SGPP2: variants seen among roughly 807,000 people sequenced by gnomAD.
SGPP2 encodes the protein sphingosine 1-phosphate phosphohydrolase 2.
A neutral mutation model predicts 33.9 loss-of-function variants in SGPP2; 30 were observed. The ratio of observed to expected loss-of-function variants is 0.89; its 90% confidence interval spans 0.66 to 1.20. The LOEUF is 1.20. SGPP2 is among the 50% of genes most tolerant of loss of function. The pLI, the probability that SGPP2 is intolerant of heterozygous loss-of-function variation, is 0.00. For synonymous variants in SGPP2, 233 were observed against 225.0 expected (o/e 1.04, Z -0.32); for missense variants, 458 against 532.1 (o/e 0.86, Z 1.37).
chr2:222,475,724 T>C (rs1367924329), intron 2 of SGPP2, among the ~76,000 whole-genome samples: 1 of 152,080 alleles, frequency 6.6e-6, no homozygotes, highest in Non-Finnish European at 1.5e-5. Flanking sequence ...GCCAAATGAG[T>C]TCTGATTTTG....
At chr2:222,551,901 C>T (rs561762310) in intron 4 of SGPP2, among the ~76,000 whole-genome samples, 77 of 152,280 alleles carry the variant, frequency 5.1e-4, no homozygotes, top group African/African-American at 1.8e-3. Context: ...GAAAGGCATT[C>T]CATTCTTATG....
At chr2:222,452,556 C>G in intron 1 of SGPP2, 1 of 1,152,622 alleles carries the variant, frequency 8.7e-7, no homozygotes, top group Non-Finnish European at 1.3e-6. Flanking sequence ...GAACTACATG[C>G]AGGACTGTAG....
At chr2:222,453,881 G>A (rs1415377472) in intron 1 of SGPP2, among the ~76,000 whole-genome samples, 1 of 152,144 alleles carries the variant, frequency 6.6e-6, no homozygotes, top group Non-Finnish European at 1.5e-5. Flanking sequence ...TGTATTTTAT[G>A]TTATATAGTT....
intron 2 of SGPP2, among the ~76,000 whole-genome samples, chr2:222,514,652 G>A (rs950898794): frequency 6.6e-6 from 1 of 151,964 alleles, no homozygotes; most frequent in East Asian, 1.9e-4. Flanking sequence ...TCAACTCAGA[G>A]GATTACAGAT....
chr2:222,475,964 G>A (rs1297581215), intron 2 of SGPP2, among the ~76,000 whole-genome samples: 2 of 152,178 alleles, frequency 1.3e-5, no homozygotes, highest in African/African-American at 4.8e-5. Flanking sequence ...GGCATGTGGA[G>A]GACTCTGCAG....
chr2:222,520,494 G>A (rs974689392), intron 2 of SGPP2, among the ~76,000 whole-genome samples: 3 of 152,122 alleles, frequency 2.0e-5, no homozygotes, highest in African/African-American at 7.2e-5. Context: ...ACTTTGGGAG[G>A]CCGAGGCCGG....
At chr2:222,449,741 A>G (rs1224494700) in intron 1 of SGPP2, among the ~76,000 whole-genome samples, 2 of 152,328 alleles carry the variant, frequency 1.3e-5, no homozygotes, top group South Asian at 2.1e-4. Flanking sequence ...CAAGAGCAGT[A>G]TGAAATCTGG....
At chr2:222,473,724 A>C (rs915596251) in intron 1 of SGPP2, among the ~76,000 whole-genome samples, 14 of 152,150 alleles carry the variant, frequency 9.2e-5, no homozygotes, top group Non-Finnish European at 1.8e-4. Flanking sequence ...TGGGAGTTTG[A>C]GACGAGCCTG....
In SGPP2 at chr2:222,562,559, A is replaced by G. The variant is rs1390007740; in HGVS notation, c.*3661A>G. On this transcript the variant is annotated 3_prime_UTR_variant, in exon 5 of 5. Coordinates refer to ENST00000321276, the MANE Select transcript of SGPP2 (RefSeq NM_152386.4). ...GCTGTCTTGCTTATGTACTGTATGT[A>G]AATTTATTCTTTTTAAAAATCACTT... 6.6e-6 allele frequency among the ~76,000 whole-genome samples: 1 copy of G among 152,196 alleles called. No homozygotes were observed. The highest frequency in any genetic ancestry group is 1.5e-5 in the Non-Finnish European group (1 of 68,036).
At chr2:222,492,705 C>T (rs2106111647) in intron 2 of SGPP2, among the ~76,000 whole-genome samples, 1 of 152,338 alleles carries the variant, frequency 6.6e-6, no homozygotes, top group East Asian at 1.9e-4. Context: ...GAATTTTTCC[C>T]CAGAAAATGG....
intron 1 of SGPP2, among the ~76,000 whole-genome samples, chr2:222,432,774 C>T (rs945755385): frequency 1.1e-4 from 16 of 152,136 alleles, no homozygotes; most frequent in Non-Finnish European, 2.1e-4. Context: ...GTAATCCCAG[C>T]ACTTTAGGAG....
At chr2:222,467,958 A>C (rs1442821978) in intron 1 of SGPP2, among the ~76,000 whole-genome samples, 13 of 88,778 alleles carry the variant, frequency 1.5e-4, no homozygotes, top group Non-Finnish European at 2.6e-4. Context: ...CTGAAAAAAA[A>C]AAAAAAAAAA....
chr2:222,463,162 C>CATTCTGTCCCCACTTAGTCT (rs1697691402), intron 1 of SGPP2, among the ~76,000 whole-genome samples: 1 of 152,190 alleles, frequency 6.6e-6, no homozygotes, highest in Admixed American at 6.5e-5. Context: ...CTCCCTCTTC[C>CATTCTGTCCCCACTTAGTCT]ATTCTGTCCC....
At chr2:222,497,387 T>C (rs1047798903) in intron 2 of SGPP2, among the ~76,000 whole-genome samples, 9 of 151,674 alleles carry the variant, frequency 5.9e-5, no homozygotes, top group African/African-American at 7.3e-5. Context: ...CCGGGTCTCC[T>C]GGGACTATGT....
intron 2 of SGPP2, among the ~76,000 whole-genome samples, chr2:222,499,060 CA>C (rs1007191496): frequency 8.5e-5 from 13 of 152,160 alleles, no homozygotes; most frequent in African/African-American, 2.9e-4. Flanking sequence ...ATCTTTAAAA[CA>C]AAACATGTCC....
chr2:222,555,641 G>A (rs1341433063), intron 4 of SGPP2, among the ~76,000 whole-genome samples: 1 of 151,978 alleles, frequency 6.6e-6, no homozygotes, highest in Admixed American at 6.6e-5. Flanking sequence ...GCCAGGGAGC[G>A]ATGTAAACTC....
intron 4 of SGPP2, among the ~76,000 whole-genome samples, chr2:222,549,637 T>C (rs1234471170): frequency 6.6e-6 from 1 of 152,172 alleles, no homozygotes; most frequent in Non-Finnish European, 1.5e-5. Flanking sequence ...TTTACCTAAA[T>C]ATCAAGTTTT....
At position 222,469,783 on chromosome 2, in the gene SGPP2, C is replaced by T. The variant is rs141181732; in HGVS notation, c.220-4785C>T. ...GAGATTTACTACAAAGGAAACTCAT[C>T]CTTCTTCTAAAAAGACAAATATGTG... is the stretch of plus-strand genomic sequence containing the variant. On this transcript the variant is annotated intron_variant, in intron 1 of 4. Coordinates refer to ENST00000321276, the MANE Select transcript of SGPP2 (RefSeq NM_152386.4). 4.2e-3 allele frequency among the ~76,000 whole-genome samples: 635 copies of T among 152,312 alleles called. 4 individuals carry two copies. The highest frequency in any genetic ancestry group is 5.5e-3 in the Non-Finnish European group (373 of 68,030).
chr2:222,442,517 G>A (rs1697341162), intron 1 of SGPP2, among the ~76,000 whole-genome samples: 1 of 152,036 alleles, frequency 6.6e-6, no homozygotes, highest in African/African-American at 2.4e-5. Context: ...TTTTTCGTAA[G>A]TACAGAAAAA....
Sources: gnomAD v4.1 joint callset for allele counts (sites outside exome capture counted in the v4.1 genomes callset) on GRCh38, gnomAD v4.1.1 for gene constraint, MANE v1.5 for transcripts, NCBI Gene and HGNC (gene_info 2026-07-23, HGNC 2026-07-21) for gene names.